Variants in ELP4 observed in about 807,000 individuals in gnomAD.
ELP4 encodes elongator acetyltransferase complex subunit 4, also known as elongator complex protein 4.
ELP4 carries 51 observed loss-of-function variants against 48.9 expected under a neutral mutation model. The observed-to-expected ratio is 1.04, with a 90% CI of 0.83 to 1.32. The LOEUF is 1.32. Among genes scored for constraint, ELP4 ranks in the 40% most tolerant of loss-of-function variants. The pLI is 0.00. For synonymous variants in ELP4, 210 were observed against 189.2 expected, an observed-to-expected ratio of 1.11 and a Z score of -0.90; for missense variants, 519 against 514.6, an observed-to-expected ratio of 1.01 and a Z score of -0.08.
chr11:31,761,312 T>C (rs1947940890), intron 9 of ELP4, among the ~76,000 whole-genome samples: 1 of 150,458 alleles, frequency 6.6e-6, no homozygotes, highest in Admixed American at 6.7e-5. Context: ...CACTCCAGCC[T>C]GAGCAACAGA....
At chr11:31,591,950 A>G (rs560494902) in intron 3 of ELP4, among the ~76,000 whole-genome samples, 421 of 152,376 alleles carry the variant, frequency 2.8e-3, no homozygotes, top group Non-Finnish European at 3.3e-3. Flanking sequence ...ATGGTGCAAC[A>G]TAGAGGAACA....
At chr11:31,566,242 C>T (rs943032682) in intron 3 of ELP4, among the ~76,000 whole-genome samples, 3 of 151,964 alleles carry the variant, frequency 2.0e-5, no homozygotes, top group African/African-American at 7.3e-5. Context: ...CCTGTAGTCC[C>T]AGCTAGTTGG....
chr11:31,700,234 AAG>A (rs941396754), intron 9 of ELP4, among the ~76,000 whole-genome samples: 12 of 151,936 alleles, frequency 7.9e-5, no homozygotes, highest in African/African-American at 2.4e-4. Context: ...TTTAAAAAAA[AAG>A]AAAAATGGAG....
chr11:31,519,895 T>C (rs960484696), intron 1 of ELP4, among the ~76,000 whole-genome samples, 161 bp from the exon 2 acceptor site: 19 of 152,150 alleles, frequency 1.2e-4, no homozygotes, highest in African/African-American at 4.6e-4. Flanking sequence ...AATTATTTCA[T>C]AATAGCACCT....
chr11:31,772,181 G>A (rs547581891), intron 9 of ELP4, among the ~76,000 whole-genome samples: 53 of 148,530 alleles, frequency 3.6e-4, no homozygotes, highest in South Asian at 1.1e-3. Context: ...GTACAGTGGC[G>A]GAATCTCAGC....
intron 6 of ELP4, 146 bp downstream of exon 6, chr11:31,627,340 G>A (rs1472720905): frequency 5.7e-6 from 3 of 526,620 alleles, no homozygotes; most frequent in Non-Finnish European, 1.0e-5. Context: ...CATAAGCAGA[G>A]CACAAGCAGC....
At chr11:31,621,945 G>T (rs573484325) in intron 5 of ELP4, among the ~76,000 whole-genome samples, 1 of 151,694 alleles carries the variant, frequency 6.6e-6, no homozygotes, top group Admixed American at 6.6e-5. Flanking sequence ...CTTAATTGTC[G>T]CACAGCCTTG....
In ELP4 at chr11:31,756,232, G is replaced by A. The variant is rs146904023; in HGVS notation, c.1144-27161G>A. On this transcript the variant is annotated intron_variant, in intron 9 of 9. Coordinates refer to ENST00000640961, the MANE Select transcript of ELP4 (RefSeq NM_019040.5). ...CCCACACAAGAATGATGTCCTTATA[G>A]CCAGAGAAGTATTTTCAGGAGGAAA... Among the ~76,000 whole-genome samples the A allele has an allele frequency of 3.3e-5, 5 of 152,164 alleles. No homozygotes were observed. The East Asian group carries it at 9.7e-4, about 29-fold the overall frequency.
chr11:31,536,975 T>C (rs57228044), intron 2 of ELP4, among the ~76,000 whole-genome samples: 3,023 of 152,350 alleles, frequency 0.02, 94 homozygotes, highest in African/African-American at 0.068. Context: ...AGGTAAATTG[T>C]AAACATTTTT....
At chr11:31,656,533 T>TA (rs1157467392) in intron 9 of ELP4, among the ~76,000 whole-genome samples, 2 of 152,098 alleles carry the variant, frequency 1.3e-5, no homozygotes, top group Non-Finnish European at 2.9e-5. Context: ...AATTTTTATA[T>TA]AAAAATCTTC....
At chr11:31,676,191 C>CTGCCT (rs1945922959) in intron 9 of ELP4, among the ~76,000 whole-genome samples, 1 of 152,154 alleles carries the variant, frequency 6.6e-6, no homozygotes, top group South Asian at 2.1e-4. Flanking sequence ...AGGGCCTTTG[C>CTGCCT]TGCCTGTTTC....
At chr11:31,720,450 A>G (rs1946937218) in intron 9 of ELP4, among the ~76,000 whole-genome samples, 1 of 152,072 alleles carries the variant, frequency 6.6e-6, no homozygotes. Context: ...TGAAGTGGTA[A>G]CCCGCTGATG....
At position 31,789,865 on chromosome 11, in the gene ELP4, GTTGTGTCCCCATAGTCACTGA is replaced by G. The variant is rs1359050064; in HGVS notation, c.*6342_*6362del. 1.2e-5 allele frequency: 16 copies of G among 1,365,820 alleles called. No homozygotes were observed. The Admixed American group carries it at 3.1e-4, about 26-fold the overall frequency. 84.6% of individuals were successfully genotyped at this position (1,365,820 alleles called of 1,614,324 possible). A position where few individuals can be genotyped will look rare whatever the true frequency, so the allele number is the denominator to read the frequency against. ...TTCTTTCTTTCCTGAAAGCTCAACT[GTTGTGTCCCCATAGTCACTGA>G]CTGAATTAACACAATATTTCCTTTC... On this transcript the variant is annotated 3_prime_UTR_variant, in exon 10 of 10. Coordinates refer to ENST00000640961, the MANE Select transcript of ELP4 (RefSeq NM_019040.5).
At chr11:31,696,620 G>C (rs1036441095) in intron 9 of ELP4, among the ~76,000 whole-genome samples, 3 of 151,992 alleles carry the variant, frequency 2.0e-5, no homozygotes, top group African/African-American at 7.2e-5. Flanking sequence ...AGTGTGATGT[G>C]GTGCTGAGAA....
chr11:31,544,664 G>A (rs1051104789), intron 3 of ELP4, among the ~76,000 whole-genome samples: 9 of 152,182 alleles, frequency 5.9e-5, no homozygotes, highest in Admixed American at 2.0e-4. Context: ...CTCCCAGCGC[G>A]CAGCTGGAGA....
intron 9 of ELP4, among the ~76,000 whole-genome samples, chr11:31,741,240 C>T (rs991849128): frequency 6.6e-6 from 1 of 152,126 alleles, no homozygotes; most frequent in Non-Finnish European, 1.5e-5. Flanking sequence ...GTAAACAAAG[C>T]GGCCGGTAAG....
intron 9 of ELP4, among the ~76,000 whole-genome samples, chr11:31,677,416 T>C (rs1206563636): frequency 6.6e-6 from 1 of 152,196 alleles, no homozygotes; most frequent in Non-Finnish European, 1.5e-5. Context: ...AGAGAATAAC[T>C]ATGGAAACTG....
chr11:31,522,636 A>C (rs1415817874), intron 2 of ELP4, among the ~76,000 whole-genome samples: 1 of 152,194 alleles, frequency 6.6e-6, no homozygotes, highest in East Asian at 1.9e-4. Flanking sequence ...ACACATATGT[A>C]AATATTCTAG....
intron 3 of ELP4, among the ~76,000 whole-genome samples, chr11:31,582,142 GCTA>G (rs1463382258): frequency 6.6e-6 from 1 of 152,126 alleles, no homozygotes; most frequent in African/African-American, 2.4e-5. Flanking sequence ...TCCTGGGTCT[GCTA>G]CTTAATTACT....
Sources: gnomAD v4.1 joint callset for allele counts (sites outside exome capture counted in the v4.1 genomes callset) on GRCh38, gnomAD v4.1.1 for gene constraint, MANE v1.5 for transcripts, NCBI Gene and HGNC (gene_info 2026-07-23, HGNC 2026-07-21) for gene names.